Variants in BLTP3A observed in about 807,000 individuals in gnomAD.
BLTP3A encodes the protein bridge-like lipid transfer protein family member 3A, also known as ICBP90 binding protein 1.
the BLTP3A span, chr6:34,874,673 A>T: frequency 3.4e-4 from 52 of 152,388 alleles, no homozygotes; most frequent in African/African-American, 9.6e-4. Context: ...ACACTGTTAG[A>T]ACTCAGGAAA....
the BLTP3A span, chr6:34,864,189 T>C: frequency 2.5e-6 from 4 of 1,613,662 alleles, 1 homozygote; most frequent in Non-Finnish European, 3.4e-6. Flanking sequence ...TGTGATGCTC[T>C]TGGAGTCTGG....
chr6:34,792,142 T>A, the BLTP3A span: 1 of 923,296 alleles, frequency 1.1e-6, no homozygotes, highest in Non-Finnish European at 1.4e-6. Context: ...CGGCGGCGGC[T>A]GTGTCCGGTG....
the BLTP3A span, chr6:34,856,994 A>G: frequency 8.3e-6 from 13 of 1,567,766 alleles, no homozygotes; most frequent in Non-Finnish European, 1.1e-5. Context: ...CAGCTGGAAC[A>G]GTATAAACAA....
chr6:34,812,940 A>G, the BLTP3A span, among the ~76,000 whole-genome samples: 2 of 152,264 alleles, frequency 1.3e-5, no homozygotes, highest in Admixed American at 6.5e-5. Context: ...CTTTGTTTAA[A>G]GAGAAGCCTG....
At chr6:34,806,914 C>A in the BLTP3A span, among the ~76,000 whole-genome samples, 42 of 152,336 alleles carry the variant, frequency 2.8e-4, no homozygotes, top group Non-Finnish European at 4.7e-4. Context: ...CCTGCCTCGG[C>A]CTCCCAAAGT....
the BLTP3A span, chr6:34,855,483 C>A: frequency 2.1e-6 from 2 of 952,964 alleles, no homozygotes; most frequent in Non-Finnish European, 1.6e-6. Context: ...CACCTCACAT[C>A]CTGGCCTTTT....
chr6:34,795,564 ATTT>A, the BLTP3A span, among the ~76,000 whole-genome samples: 1 of 122,380 alleles, frequency 8.2e-6, no homozygotes. Flanking sequence ...CACCCGGCTG[ATTT>A]TTTTTTTTTT....
the BLTP3A span, chr6:34,867,266 G>A: frequency 1.2e-6 from 2 of 1,614,090 alleles, no homozygotes; most frequent in Non-Finnish European, 1.7e-6. Context: ...TCTTTCAAAT[G>A]TCTCAGATAA....
chr6:34,870,949 T>C, the BLTP3A span: 1 of 1,613,956 alleles, frequency 6.2e-7, no homozygotes, highest in Non-Finnish European at 8.5e-7. Flanking sequence ...AGCTGTTCAT[T>C]CCCCCCTGGC....
chr6:34,844,298 CAG>C, the BLTP3A span, among the ~76,000 whole-genome samples: 1 of 149,866 alleles, frequency 6.7e-6, no homozygotes, highest in Non-Finnish European at 1.5e-5. Flanking sequence ...GTTTTTGAGA[CAG>C]AGTCTTGCTG....
At chr6:34,808,275 G>A in the BLTP3A span, among the ~76,000 whole-genome samples, 1 of 148,410 alleles carries the variant, frequency 6.7e-6, no homozygotes, top group Non-Finnish European at 1.5e-5. Context: ...GAATCTGGGA[G>A]GCGGAGGTTG....
the BLTP3A span, among the ~76,000 whole-genome samples, chr6:34,796,571 C>G: frequency 2.0e-5 from 3 of 152,206 alleles, no homozygotes; most frequent in Non-Finnish European, 4.4e-5. Context: ...TGATTTTTCA[C>G]TAAATTAGGT....
the BLTP3A span, among the ~76,000 whole-genome samples, chr6:34,842,272 T>C: frequency 3.2e-3 from 480 of 152,348 alleles, 1 homozygote; most frequent in African/African-American, 0.01. Flanking sequence ...TTAAGCTGTA[T>C]TGAGATACAA....
chr6:34,793,802 CAT>C, the BLTP3A span, among the ~76,000 whole-genome samples: 1 of 151,756 alleles, frequency 6.6e-6, no homozygotes, highest in African/African-American at 2.4e-5. Context: ...TTTGAAAGGA[CAT>C]AGAATTTTAG....
At chr6:34,795,765 G>A in the BLTP3A span, among the ~76,000 whole-genome samples, 5 of 152,140 alleles carry the variant, frequency 3.3e-5, no homozygotes, top group African/African-American at 1.2e-4. Context: ...GGCGAACACA[G>A]TGCCTTTTTT....
the BLTP3A span, among the ~76,000 whole-genome samples, chr6:34,812,865 T>C: frequency 4.9e-4 from 74 of 152,330 alleles, no homozygotes; most frequent in African/African-American, 1.7e-3. Flanking sequence ...GTGATTGATA[T>C]GTTTTGTTTG....
At chr6:34,863,545 C>T in the BLTP3A span, among the ~76,000 whole-genome samples, 2 of 152,150 alleles carry the variant, frequency 1.3e-5, no homozygotes, top group African/African-American at 4.8e-5. Flanking sequence ...CCTTTTTCCT[C>T]TTTGATGTTG....
chr6:34,803,093 G>A, the BLTP3A span, among the ~76,000 whole-genome samples: 182 of 152,206 alleles, frequency 1.2e-3, no homozygotes, highest in Non-Finnish European at 2.0e-3. Flanking sequence ...GCTGAGGTGG[G>A]AGGATTGCTT....
At chr6:34,818,150 G>A in the BLTP3A span, among the ~76,000 whole-genome samples, 4 of 152,192 alleles carry the variant, frequency 2.6e-5, no homozygotes, top group Admixed American at 6.5e-5. Flanking sequence ...GAGCCACCGC[G>A]CCCGGCCAGA....
Sources: gnomAD v4.1 joint callset for allele counts (sites outside exome capture counted in the v4.1 genomes callset) on GRCh38, gnomAD v4.1.1 for gene constraint, MANE v1.5 for transcripts, NCBI Gene and HGNC (gene_info 2026-07-23, HGNC 2026-07-21) for gene names.